The following ST6GAL1 variants were observed in gnomAD, a reference collection of about 807,000 sequenced individuals.
ST6GAL1 encodes beta-galactoside alpha-2,6-sialyltransferase 1.
ST6GAL1 carries 20 observed loss-of-function variants against 38.0 expected under a neutral mutation model. The ratio of observed to expected loss-of-function variants is 0.53; its 90% CI spans 0.37 to 0.77. The LOEUF is 0.77. Ranked by LOEUF, ST6GAL1 falls within the 30% of genes least tolerant of loss-of-function variation. The pLI is 0.00. For missense variants in ST6GAL1, 432 were observed against 496.4 expected, an observed-to-expected ratio of 0.87 and a Z score of 1.23; for synonymous variants, 196 against 188.2, an observed-to-expected ratio of 1.04 and a Z score of -0.34.
intron 2 of ST6GAL1, among the ~76,000 whole-genome samples, chr3:187,008,112 T>G (rs1009164993): frequency 2.6e-5 from 4 of 151,958 alleles, no homozygotes; most frequent in African/African-American, 9.7e-5. Context: ...CAGAAAAAAA[T>G]ATTTGGAGAA....
chr3:186,960,157 A>T (rs578052238), intron 1 of ST6GAL1, among the ~76,000 whole-genome samples: 152 of 152,276 alleles, frequency 1.0e-3, no homozygotes, highest in Non-Finnish European at 2.0e-3. Flanking sequence ...TGGTACACTT[A>T]CTTGAAGGAA....
At chr3:187,044,614 C>T (rs1159718784) in intron 4 of ST6GAL1, among the ~76,000 whole-genome samples, 4 of 152,164 alleles carry the variant, frequency 2.6e-5, no homozygotes, top group Non-Finnish European at 1.5e-5. Context: ...CTTTCTTCTC[C>T]ATTTTTGCTG....
chr3:187,064,518 A>T, intron 5 of ST6GAL1: 1 of 456,702 alleles, frequency 2.2e-6, no homozygotes, highest in Non-Finnish European at 4.4e-6. Context: ...TTACACTTCT[A>T]GATCTCTGTG....
intron 2 of ST6GAL1, among the ~76,000 whole-genome samples, chr3:187,036,034 A>G (rs957802121): frequency 4.6e-5 from 7 of 152,256 alleles, no homozygotes; most frequent in Admixed American, 3.9e-4. Flanking sequence ...TCCAGAATCT[A>G]TAAGAAACTT....
intron 2 of ST6GAL1, among the ~76,000 whole-genome samples, chr3:187,022,427 C>A (rs538222653): frequency 6.6e-6 from 1 of 152,210 alleles, no homozygotes; most frequent in African/African-American, 2.4e-5. Context: ...GATTCTTTAG[C>A]TAACAGTAGC....
chr3:186,990,738 G>T (rs1332981081), intron 2 of ST6GAL1, among the ~76,000 whole-genome samples: 6 of 150,194 alleles, frequency 4.0e-5, no homozygotes, highest in East Asian at 2.0e-4. Context: ...GCTTGAACCC[G>T]GGAGGCAGAG....
At chr3:186,937,901 T>G (rs567217193) in intron 1 of ST6GAL1, among the ~76,000 whole-genome samples, 1 of 152,046 alleles carries the variant, frequency 6.6e-6, no homozygotes, top group Non-Finnish European at 1.5e-5. Flanking sequence ...GGTGAAACCC[T>G]GTCTCTACCA....
chr3:187,050,544 G>GAGAGAGAT (rs140476772), intron 4 of ST6GAL1, among the ~76,000 whole-genome samples: 32,437 of 145,708 alleles, frequency 0.22, 3,575 homozygotes, highest in East Asian at 0.36. Flanking sequence ...AAGAGAGAGA[G>GAGAGAGAT]AGAGAGAGAG....
At chr3:187,033,161 C>G (rs910408777) in intron 2 of ST6GAL1, among the ~76,000 whole-genome samples, 3 of 152,200 alleles carry the variant, frequency 2.0e-5, no homozygotes, top group African/African-American at 4.8e-5. Context: ...CGCCTGTAAT[C>G]CTAGCACTTT....
At chr3:186,978,205 C>T (rs1013261624) in intron 2 of ST6GAL1, among the ~76,000 whole-genome samples, 10 of 151,684 alleles carry the variant, frequency 6.6e-5, no homozygotes, top group Admixed American at 3.3e-4. Context: ...AGCGAGACTC[C>T]GTGTCAAAAT....
intron 2 of ST6GAL1, among the ~76,000 whole-genome samples, chr3:187,026,666 C>T (rs1258013140): frequency 2.0e-5 from 3 of 152,186 alleles, no homozygotes; most frequent in Admixed American, 6.5e-5. Flanking sequence ...AACTGTTTCT[C>T]CAAAGCCAAG....
chr3:187,037,144 A>G (rs1250726510), intron 2 of ST6GAL1, among the ~76,000 whole-genome samples: 1 of 152,220 alleles, frequency 6.6e-6, no homozygotes, highest in East Asian at 1.9e-4. Flanking sequence ...TATGGCCTGA[A>G]TACATTCTAG....
At chr3:186,942,645 T>G (rs11719440) in intron 1 of ST6GAL1, among the ~76,000 whole-genome samples, 82,150 of 152,014 alleles carry the variant, frequency 0.54, 23,713 homozygotes, top group African/African-American at 0.76. Context: ...GACTTAAGTC[T>G]TAACCAAGTC....
At chr3:186,937,082 C>T (rs1055058614) in intron 1 of ST6GAL1, among the ~76,000 whole-genome samples, 1 of 148,308 alleles carries the variant, frequency 6.7e-6, no homozygotes, top group African/African-American at 2.5e-5. Context: ...TTTCCTTCTT[C>T]TTTTTTTTTT....
At chr3:187,066,850 C>G (rs1990676) in intron 5 of ST6GAL1, among the ~76,000 whole-genome samples, 1 of 151,880 alleles carries the variant, frequency 6.6e-6, no homozygotes, top group Admixed American at 6.6e-5. Context: ...AGGTCACACT[C>G]CCCCTGCAGG....
chr3:186,944,977 C>G (rs1430889082), intron 1 of ST6GAL1, among the ~76,000 whole-genome samples: 1 of 152,154 alleles, frequency 6.6e-6, no homozygotes, highest in Admixed American at 6.5e-5. Context: ...TTGGGATCAA[C>G]TAGTATCTGC....
rs79399676 is a variant in ST6GAL1 at position 187,075,105 on chromosome 3, C to A, written c.980-457C>A. ...TCCCCAACACTGTTTCATGCAAATG[C>A]TATAAGGAAAAATCTGCTCCCAAAT... On this transcript the variant is annotated intron_variant, in intron 7 of 7. Coordinates refer to ENST00000169298, the MANE Select transcript of ST6GAL1 (RefSeq NM_173216.2). The surrounding 1 kb of genome is among the most constrained non-coding windows in gnomAD (Gnocchi z 4.1). Among the ~76,000 whole-genome samples, 4,844 of 152,242 alleles carry A rather than the reference C, an allele frequency of 0.032. 103 individuals are homozygous for A. The highest frequency in any genetic ancestry group is 0.051 in the Non-Finnish European group (3,462 of 68,006).
At chr3:187,021,237 C>T (rs1717287106) in intron 2 of ST6GAL1, among the ~76,000 whole-genome samples, 1 of 151,852 alleles carries the variant, frequency 6.6e-6, no homozygotes, top group Admixed American at 6.6e-5. Context: ...GCTGGGAATA[C>T]AGGCGTGAGC....
intron 2 of ST6GAL1, among the ~76,000 whole-genome samples, chr3:187,007,865 T>A (rs2108556666): frequency 6.6e-6 from 1 of 152,262 alleles, no homozygotes; most frequent in Non-Finnish European, 1.5e-5. Flanking sequence ...CAGATAGAAA[T>A]TTTAGACCTG....
Sources: allele counts gnomAD v4.1 joint callset (sites outside exome capture counted in the v4.1 genomes callset), GRCh38; gene constraint gnomAD v4.1.1; non-coding constraint Gnocchi (gnomAD v3.1); transcripts MANE v1.5; gene names NCBI Gene and HGNC (gene_info 2026-07-23, HGNC 2026-07-21).